RARB: variants seen among roughly 807,000 people sequenced by gnomAD.
RARB encodes the protein HBV-activated protein.
RARB carries 17 observed loss-of-function variants against 51.9 expected under a neutral mutation model. The observed-to-expected ratio is 0.33, with a 90% CI of 0.22 to 0.49. The LOEUF (loss-of-function observed/expected upper bound fraction) is 0.49, where lower values mean the gene tolerates loss of function less well. RARB is among the 20% of genes least tolerant of loss of function. The pLI is 0.99. For missense variants in RARB, 369 were observed against 550.8 expected, an observed-to-expected ratio of 0.67 and a Z score of 3.30; for synonymous variants, 215 against 195.4, an observed-to-expected ratio of 1.10 and a Z score of -0.84.
intron 3 of RARB, among the ~76,000 whole-genome samples, chr3:25,069,543 G>C (rs1256178955): frequency 6.6e-6 from 1 of 152,164 alleles, no homozygotes; most frequent in Non-Finnish European, 1.5e-5. Flanking sequence ...TTCCCAGAGT[G>C]ATCTTGTTCC....
Position 25,097,448 on chromosome 3 carries a change from A to G in RARB, c.-327-34713A>G, listed in dbSNP as rs185805404. Among the ~76,000 whole-genome samples the G allele has an allele frequency of 1.6e-3, 242 of 152,294 alleles. 3 individuals carry two copies. The Middle Eastern group carries it at 0.02, about 13-fold the overall frequency. ...TCATGAGAGGGGAAGGAAATTGCAG[A>G]TATTTTCATATAGAATGTTAGTGAA... On this transcript the variant is annotated intron_variant, in intron 3 of 11. Coordinates refer to the RARB transcript ENST00000383772.
chr3:25,359,539 C>A (rs150398888), intron 5 of RARB, among the ~76,000 whole-genome samples: 28,845 of 152,028 alleles, frequency 0.19, 3,543 homozygotes, highest in Admixed American at 0.33. Context: ...TTTGCTCTTG[C>A]TTCTCTAGTT....
intron 2 of RARB, among the ~76,000 whole-genome samples, chr3:24,959,753 A>G (rs1014748566): frequency 1.6e-4 from 24 of 152,214 alleles, no homozygotes; most frequent in Admixed American, 1.0e-3. Context: ...ATGTTCCACA[A>G]AAAAGAAAAG....
chr3:24,874,815 T>C (rs1411691359), intron 2 of RARB, among the ~76,000 whole-genome samples: 1 of 152,032 alleles, frequency 6.6e-6, no homozygotes, highest in Non-Finnish European at 1.5e-5. Flanking sequence ...ATATTTGTCT[T>C]GATCTTTTTG....
At chr3:25,028,168 A>G (rs76097217) in intron 2 of RARB, among the ~76,000 whole-genome samples, 3,556 of 152,256 alleles carry the variant, frequency 0.023, 102 homozygotes, top group African/African-American at 0.058. Context: ...TAGACCAGCA[A>G]TGTCTCCTGG....
chr3:25,115,749 G>A (rs569656619), intron 3 of RARB, among the ~76,000 whole-genome samples: 3 of 150,938 alleles, frequency 2.0e-5, no homozygotes, highest in Non-Finnish European at 4.4e-5. Context: ...GCAGCCTCAA[G>A]CTCCTGGGCT....
At position 24,913,400 on chromosome 3, in the gene RARB, CTCTTT is replaced by C. The variant is rs1202554490; in HGVS notation, c.-380+54650_-380+54654del. Among the ~76,000 whole-genome samples the C allele has an allele frequency of 5.3e-5, 7 of 132,524 alleles. No homozygotes were observed. In the East Asian group the frequency reaches 1.1e-3, roughly 20 times the overall value. 86.9% of individuals were successfully genotyped at this position (132,524 alleles called of 152,430 possible). On this transcript the variant is annotated intron_variant, in intron 2 of 11. Transcript: ENST00000383772. ...GACATAGTCTTCTTTCTCTCTCTCT[CTCTTT>C]TTTTTTTTTTTTTTTTGGTCAGAGA...
chr3:25,372,152 A>C (rs1166395312), intron 5 of RARB, among the ~76,000 whole-genome samples: 1 of 152,250 alleles, frequency 6.6e-6, no homozygotes, highest in Admixed American at 6.5e-5. Flanking sequence ...AAACCACTGG[A>C]GGATTTTAAA....
At chr3:25,000,835 A>T (rs78244254) in intron 2 of RARB, among the ~76,000 whole-genome samples, 33 of 152,286 alleles carry the variant, frequency 2.2e-4, no homozygotes, top group African/African-American at 7.7e-4. Flanking sequence ...TGTAAGTGCT[A>T]TAGATTTTTA....
chr3:24,995,591 G>A (rs2125437986), intron 2 of RARB, among the ~76,000 whole-genome samples: 1 of 152,116 alleles, frequency 6.6e-6, no homozygotes, highest in African/African-American at 2.4e-5. Context: ...TCAGTAAGAT[G>A]GTAGCTGTGG....
chr3:25,513,552 A>T (rs981088785), intron 3 of RARB, among the ~76,000 whole-genome samples: 1 of 151,974 alleles, frequency 6.6e-6, no homozygotes, highest in Non-Finnish European at 1.5e-5. Context: ...GAGTGATAGC[A>T]TGTTACCCCT....
rs552734572 is a variant in RARB, at chr3:24,868,184, A to C, written c.-380+9432A>C. Among the ~76,000 whole-genome samples the C allele has an allele frequency of 6.6e-5, 10 of 152,280 alleles. 1 individual carries two copies. In the East Asian group the frequency reaches 1.9e-3, roughly 29 times the overall value. ...AAACAGTATGAAATGCATGTGTTAC[A>C]TGTGGGTGTTAGCCTGTTTTAAAAT... On this transcript the variant is annotated intron_variant, in intron 2 of 11. Coordinates refer to the RARB transcript ENST00000383772.
intron 5 of RARB, among the ~76,000 whole-genome samples, chr3:25,285,318 T>C (rs922022363): frequency 6.6e-6 from 1 of 152,016 alleles, no homozygotes; most frequent in Non-Finnish European, 1.5e-5. Flanking sequence ...CAGTCAAAAG[T>C]AGTGTATTCA....
At chr3:25,253,981 G>A (rs1575260437) in intron 5 of RARB, among the ~76,000 whole-genome samples, 1 of 152,134 alleles carries the variant, frequency 6.6e-6, no homozygotes, top group South Asian at 2.1e-4. Flanking sequence ...TGTAGTTCAT[G>A]CATAAGGGGT....
intron 1 of RARB, among the ~76,000 whole-genome samples, chr3:25,446,850 T>C (rs1026623475): frequency 6.7e-6 from 1 of 149,276 alleles, no homozygotes; most frequent in Non-Finnish European, 1.5e-5. Flanking sequence ...TGAATAGGAC[T>C]GTTAGGAATA....
At chr3:24,976,707 G>T (rs1437488914) in intron 2 of RARB, among the ~76,000 whole-genome samples, 1 of 152,086 alleles carries the variant, frequency 6.6e-6, no homozygotes, top group Non-Finnish European at 1.5e-5. Flanking sequence ...TCATTCTGTA[G>T]GTTGCCTGTT....
intron 5 of RARB, among the ~76,000 whole-genome samples, chr3:25,321,866 A>AT (rs908691282): frequency 2.1e-5 from 3 of 143,756 alleles, no homozygotes; most frequent in African/African-American, 8.0e-5. Context: ...GTTCTCTAAA[A>AT]TTTAAAAAAA....
chr3:25,397,431 T>C (rs1283965233), intron 5 of RARB, among the ~76,000 whole-genome samples: 1 of 152,176 alleles, frequency 6.6e-6, no homozygotes, highest in African/African-American at 2.4e-5. Flanking sequence ...CTTCAAAGGG[T>C]CTGTGAATTC....
At chr3:24,906,262 G>A (rs975240296) in intron 2 of RARB, among the ~76,000 whole-genome samples, 2 of 152,134 alleles carry the variant, frequency 1.3e-5, no homozygotes, top group Admixed American at 1.3e-4. Flanking sequence ...GAGAGTTTCT[G>A]GAGCTTAGGG....
Sources: allele counts gnomAD v4.1 joint callset (sites outside exome capture counted in the v4.1 genomes callset), GRCh38; gene constraint gnomAD v4.1.1; transcripts MANE v1.5; gene names NCBI Gene and HGNC (gene_info 2026-07-23, HGNC 2026-07-21).